Variants in SLC24A4 observed in about 807,000 individuals in gnomAD.
The protein encoded by SLC24A4 is sodium/potassium/calcium exchanger 4.
A neutral mutation model predicts 79.0 loss-of-function variants in SLC24A4; 53 were observed. That is an observed-to-expected ratio of 0.67 (90% CI 0.54 to 0.84). The LOEUF is 0.84. Ranked by LOEUF, SLC24A4 falls within the 40% of genes least tolerant of loss-of-function variation. The probability of loss-of-function intolerance (pLI) is 0.00; values close to 1 mark genes in which losing one functional copy is unlikely to be tolerated. For synonymous variants in SLC24A4, 323 were observed against 323.8 expected (o/e 1.00, Z 0.03); for missense variants, 731 against 822.0 (o/e 0.89, Z 1.35).
At chr14:92,444,660 G>T (rs1335336900) in intron 7 of SLC24A4, among the ~76,000 whole-genome samples, 1 of 152,166 alleles carries the variant, frequency 6.6e-6, no homozygotes, top group African/African-American at 2.4e-5. Flanking sequence ...TTTGAGACCA[G>T]CCTGGCCAAC....
intron 14 of SLC24A4, among the ~76,000 whole-genome samples, chr14:92,488,888 G>GTTAAACAACT (rs1478097917): frequency 2.6e-5 from 4 of 152,214 alleles, no homozygotes; most frequent in Non-Finnish European, 5.9e-5. Flanking sequence ...CTGGAGTTCA[G>GTTAAACAACT]GCTAGGGAGG....
chr14:92,391,096 A>T (rs1400170860), intron 2 of SLC24A4, among the ~76,000 whole-genome samples: 1 of 151,972 alleles, frequency 6.6e-6, no homozygotes, highest in Admixed American at 6.6e-5. Context: ...CACCGGTGAG[A>T]GCTGGTCACG....
At chr14:92,442,606 CTGTT>C (rs1212468022) in intron 5 of SLC24A4, 103 bp from the exon 6 acceptor site, 11 of 759,634 alleles carry the variant, frequency 1.4e-5, no homozygotes, top group Non-Finnish European at 2.3e-5. Context: ...CACGGGTGCT[CTGTT>C]TGTTAGTAAA....
rs576122831 is a variant in SLC24A4 at position 92,401,964 on chromosome 14, G to T, written c.242-31948G>T. ...AACACCAATGTCAGTAAGAGTAAAAGAAATACGAGACAAACATATTCAAAT... is the reference window on the plus strand; with the variant it reads ...AACACCAATGTCAGTAAGAGTAAAATAAATACGAGACAAACATATTCAAAT... On this transcript the variant is annotated intron_variant, in intron 2 of 16. Transcript: ENST00000532405. Among the ~76,000 whole-genome samples, 12 of 152,252 alleles carry T rather than the reference G, an allele frequency of 7.9e-5. No individual in the cohort carries two copies. In the East Asian group the frequency reaches 2.1e-3, roughly 27 times the overall value.
chr14:92,416,054 T>A (rs1464529370), intron 2 of SLC24A4, among the ~76,000 whole-genome samples: 1 of 152,140 alleles, frequency 6.6e-6, no homozygotes, highest in Non-Finnish European at 1.5e-5. Context: ...AGCTGTAAAC[T>A]CTGTGGAGAT....
At position 92,449,185 on chromosome 14, in the gene SLC24A4, T is replaced by C. The variant is rs1839758994; in HGVS notation, c.849T>C (p.Tyr283=). The C allele has an allele frequency of 6.2e-7, 1 of 1,614,040 alleles. No individual in the cohort carries two copies. Among genetic ancestry groups the C allele is most frequent in the African/African-American group, 1.3e-5 (1 of 74,904 alleles). The change falls in exon 10 of 17, where the codon TAT becomes TAC. Residue 283 remains tyrosine (Y), a synonymous_variant. Coordinates refer to ENST00000532405, the MANE Select transcript of SLC24A4 (RefSeq NM_153646.4). ...GTAATGATTTCTATGACGGTAGCTA[T>C]GATGACCCTTCCGTGCCATTGCTGG... The part of the protein sequence containing the change: ...EAGNDFYDGS[Y]DDPSVPLLGQ...
At chr14:92,337,853 T>G in intron 2 of SLC24A4, among the ~76,000 whole-genome samples, 1 of 151,216 alleles carries the variant, frequency 6.6e-6, no homozygotes, top group East Asian at 1.9e-4. Context: ...CTATACAAGT[T>G]TTTTTTTGCA....
At chr14:92,352,662 C>A (rs1476383963) in intron 2 of SLC24A4, among the ~76,000 whole-genome samples, 1 of 152,160 alleles carries the variant, frequency 6.6e-6, no homozygotes, top group Non-Finnish European at 1.5e-5. Context: ...CCAGAGGTGG[C>A]CCCCAGACTC....
intron 2 of SLC24A4, among the ~76,000 whole-genome samples, chr14:92,411,946 C>T (rs1056758882): frequency 7.9e-5 from 12 of 151,056 alleles, no homozygotes; most frequent in Non-Finnish European, 1.2e-4. Flanking sequence ...AAAAACAAAA[C>T]AAAACAAAAA....
Position 92,480,485 on chromosome 14 carries a change from G to A in SLC24A4, c.1256-2195G>A, listed in dbSNP as rs529679306. Among the ~76,000 whole-genome samples, 55 of 149,458 alleles carry A rather than the reference G, an allele frequency of 3.7e-4. 1 individual carries two copies. The South Asian group carries it at 8.2e-3, about 22-fold the overall frequency. On this transcript the variant is annotated intron_variant, in intron 12 of 16. Coordinates refer to ENST00000532405, the MANE Select transcript of SLC24A4 (RefSeq NM_153646.4). ...ATTTTTTGTATTTTTAGTAGAGACG[G>A]GGTTTCACCTTGTTAGCCAGGATGG...
intron 9 of SLC24A4, among the ~76,000 whole-genome samples, chr14:92,448,380 A>ACACACACACACAC (rs60919801): frequency 5.0e-4 from 75 of 150,278 alleles, no homozygotes; most frequent in South Asian, 6.3e-4. Flanking sequence ...ACACACACAC[A>ACACACACACACAC]AATCCCTACT....
rs915087030 is a variant in SLC24A4, at chr14:92,484,500, T to G, written c.1422+1654T>G. The G allele has an allele frequency of 1.4e-5, 14 of 985,354 alleles. No individual in the cohort carries two copies. The African/African-American group carries it at 2.3e-4, about 16-fold the overall frequency. The allele number at this position is 985,354 out of a possible 1,614,324, so 61.0% of individuals were successfully genotyped here. A position where few individuals can be genotyped will look rare whatever the true frequency, so the allele number is the denominator to read the frequency against. On this transcript the variant is annotated intron_variant, in intron 13 of 16. Coordinates refer to ENST00000532405, the MANE Select transcript of SLC24A4 (RefSeq NM_153646.4). ...GACTCTGTGACTCCTGGTACCGGCT[T>G]AGAGCTCTGTATCCCAAAAAGAAGC...
intron 2 of SLC24A4, among the ~76,000 whole-genome samples, chr14:92,352,674 T>A (rs1328124625): frequency 6.6e-6 from 1 of 152,204 alleles, no homozygotes; most frequent in Non-Finnish European, 1.5e-5. Flanking sequence ...CCCAGACTCA[T>A]TTATTCTCTG....
intron 2 of SLC24A4, among the ~76,000 whole-genome samples, chr14:92,343,632 CTT>C (rs1566699974): frequency 1.7e-4 from 25 of 147,354 alleles, no homozygotes; most frequent in African/African-American, 6.3e-4. Flanking sequence ...TTCTTTCTTT[CTT>C]TCTTTCTCTC....
intron 12 of SLC24A4, among the ~76,000 whole-genome samples, chr14:92,468,100 T>A (rs926095961): frequency 6.6e-6 from 1 of 152,172 alleles, no homozygotes; most frequent in Non-Finnish European, 1.5e-5. Context: ...ATATATACAA[T>A]TCAGTTGTAT....
chr14:92,356,321 A>C (rs1887179514), intron 2 of SLC24A4, among the ~76,000 whole-genome samples: 1 of 152,346 alleles, frequency 6.6e-6, no homozygotes, highest in African/African-American at 2.4e-5. Context: ...TGGCTTCCAC[A>C]TCTCTAGTCC....
intron 8 of SLC24A4, among the ~76,000 whole-genome samples, chr14:92,445,874 A>C (rs1404551846): frequency 6.6e-6 from 1 of 152,238 alleles, no homozygotes; most frequent in Non-Finnish European, 1.5e-5. Context: ...ACTCATCTTT[A>C]AGACACTGAG....
At chr14:92,407,857 TTGTGTGTGTGTGTGTGTGTGTG>T (rs60398538) in intron 2 of SLC24A4, among the ~76,000 whole-genome samples, 3 of 143,590 alleles carry the variant, frequency 2.1e-5, no homozygotes, top group Non-Finnish European at 4.6e-5. Context: ...CAGAGTGATA[TTGTGTGTGTGTGTGTGTGTGTG>T]TGTGTGTGTG....
chr14:92,493,735 T>A lies in SLC24A4; in HGVS notation c.*107T>A, dbSNP rs1895828357. 1 of 1,300,568 alleles carries A rather than the reference T, an allele frequency of 7.7e-7. No individual in the cohort carries two copies. Among genetic ancestry groups the A allele is most frequent in the East Asian group, 2.5e-5 (1 of 40,404 alleles). 80.6% of individuals were successfully genotyped at this position (1,300,568 alleles called of 1,614,324 possible). A position where few individuals can be genotyped will look rare whatever the true frequency, so the allele number is the denominator to read the frequency against. On this transcript the variant is annotated 3_prime_UTR_variant, in exon 17 of 17. Coordinates refer to ENST00000532405, the MANE Select transcript of SLC24A4 (RefSeq NM_153646.4). Reference sequence around the variant, plus strand: ...GTCTCTCCTGCATAGGCAGCCACTGTCCGTTCTTTCACACACTGGAAGGAA... The same window carrying A: ...GTCTCTCCTGCATAGGCAGCCACTGACCGTTCTTTCACACACTGGAAGGAA...
Sources: gnomAD v4.1 joint callset for allele counts (sites outside exome capture counted in the v4.1 genomes callset) on GRCh38, gnomAD v4.1.1 for gene constraint, MANE v1.5 for transcripts, NCBI Gene and HGNC (gene_info 2026-07-23, HGNC 2026-07-21) for gene names.